The following FMNL3 variants were observed in gnomAD, a reference collection of about 807,000 sequenced individuals.
FMNL3 encodes the protein formin like 3, also known as formin-like protein 3.
In FMNL3, 57 loss-of-function variants were observed where a neutral mutation model predicts 119.6. That is an observed-to-expected ratio of 0.48 (90% CI 0.39 to 0.59). The LOEUF is 0.59. Ranked by LOEUF, FMNL3 falls within the 20% of genes least tolerant of loss-of-function variation. FMNL3 has a pLI of 0.00. For missense variants in FMNL3, 1,053 were observed against 1,323.5 expected (o/e 0.80, Z 3.17); for synonymous variants, 491 against 507.3 (o/e 0.97, Z 0.43).
At chr12:49,704,067 T>C (rs1329166276) in intron 1 of FMNL3, among the ~76,000 whole-genome samples, 2 of 152,200 alleles carry the variant, frequency 1.3e-5, no homozygotes, top group Non-Finnish European at 2.9e-5. Flanking sequence ...AAGCATATAG[T>C]AGATGCCAGA....
chr12:49,648,918 G>T, intron 21 of FMNL3, 111 bp downstream of exon 21: 1 of 1,466,242 alleles, frequency 6.8e-7, no homozygotes, highest in Non-Finnish European at 9.1e-7. Context: ...TCAGAAAGAA[G>T]ATAACAAAAG....
At chr12:49,677,887 G>A (rs1039830508) in intron 1 of FMNL3, among the ~76,000 whole-genome samples, 7 of 152,292 alleles carry the variant, frequency 4.6e-5, no homozygotes, top group Middle Eastern at 3.4e-3. Flanking sequence ...TTTTGAGATG[G>A]AGTCTCGCTC....
chr12:49,651,121 G>A (rs753506629), intron 16 of FMNL3, 47 bp downstream of exon 16: 2 of 1,595,774 alleles, frequency 1.3e-6, no homozygotes, highest in African/African-American at 1.3e-5. Context: ...AAGGCAACCA[G>A]GTCCCTAGCC....
At chr12:49,706,198 TAG>T (rs1357133362) in intron 1 of FMNL3, among the ~76,000 whole-genome samples, 1 of 152,210 alleles carries the variant, frequency 6.6e-6, no homozygotes, top group Non-Finnish European at 1.5e-5. Context: ...TCTCGCTTCA[TAG>T]AGCCACTGAC....
chr12:49,694,540 T>G (rs866194176), intron 1 of FMNL3, among the ~76,000 whole-genome samples: 22 of 152,332 alleles, frequency 1.4e-4, no homozygotes, highest in South Asian at 1.0e-3. Flanking sequence ...CCAAAATGTC[T>G]GTACCGAATT....
Position 49,638,895 on chromosome 12 carries a change from C to CAT in FMNL3, c.*6918_*6919dup, listed in dbSNP as rs987750754. 5 of 152,232 alleles carry CAT rather than the reference C, an allele frequency of 3.3e-5. No individual in the cohort carries two copies. Among genetic ancestry groups the CAT allele is most frequent in the Admixed American group, 3.3e-4 (5 of 15,292 alleles). 9.4% of individuals were successfully genotyped at this position (152,232 alleles called of 1,614,324 possible). A position where few individuals can be genotyped will look rare whatever the true frequency, so the allele number is the denominator to read the frequency against. ...AAATAAAGCTAGAAATGTCTCACTGCATATACATTTCTTTGAAGTACTGTT... is the reference window on the plus strand; with the variant it reads ...AAATAAAGCTAGAAATGTCTCACTGCATATATACATTTCTTTGAAGTACTGTT... On this transcript the variant is annotated 3_prime_UTR_variant, in exon 26 of 26. Coordinates refer to ENST00000335154, the MANE Select transcript of FMNL3 (RefSeq NM_175736.5).
chr12:49,652,272 A>G (rs2138745871), intron 13 of FMNL3, 60 bp from the exon 14 acceptor site: 1 of 1,550,074 alleles, frequency 6.5e-7, no homozygotes, highest in African/African-American at 1.3e-5. Flanking sequence ...CATTGCCCCA[A>G]GAGTGAGAAT....
chr12:49,691,877 A>T (rs1198156358), intron 1 of FMNL3, among the ~76,000 whole-genome samples: 1 of 151,928 alleles, frequency 6.6e-6, no homozygotes, highest in Admixed American at 6.6e-5. Context: ...TCTACTAAAA[A>T]TACAAAAATT....
chr12:49,704,224 T>A (rs952751957), intron 1 of FMNL3, among the ~76,000 whole-genome samples: 3 of 152,130 alleles, frequency 2.0e-5, no homozygotes, highest in African/African-American at 7.2e-5. Context: ...AACCAAAGAC[T>A]ATGGATGAAA....
Position 49,643,922 on chromosome 12 carries a change from A to G in FMNL3, c.*1893T>C, listed in dbSNP as rs1297213885. On this transcript the variant is annotated 3_prime_UTR_variant, in exon 26 of 26. Transcript: ENST00000335154. ...GCTGGCAAGGAGAGCGATGAGAAAGAACAAGAACAGGACAAGGACAGGGAG... is the reference window on the plus strand; with the variant it reads ...GCTGGCAAGGAGAGCGATGAGAAAGGACAAGAACAGGACAAGGACAGGGAG... 1.2e-6 allele frequency: 2 copies of G among 1,614,122 alleles called. No individual in the cohort carries two copies. Among genetic ancestry groups the G allele is most frequent in the African/African-American group, 2.7e-5 (2 of 74,944 alleles).
chr12:49,650,526 G>A, intron 17 of FMNL3, 150 bp downstream of exon 17: 1 of 844,114 alleles, frequency 1.2e-6, no homozygotes, highest in South Asian at 1.7e-5. Context: ...CAGCACAGAT[G>A]CAGTAAATTC....
intron 9 of FMNL3, 141 bp downstream of exon 9, chr12:49,656,263 G>A (rs139489754): frequency 4.5e-5 from 27 of 601,356 alleles, no homozygotes; most frequent in Middle Eastern, 4.7e-4. Flanking sequence ...AAAATACTGG[G>A]AGTTCAGGAG....
At chr12:49,686,712 T>G (rs1944473320) in intron 1 of FMNL3, among the ~76,000 whole-genome samples, 1 of 152,090 alleles carries the variant, frequency 6.6e-6, no homozygotes, top group African/African-American at 2.4e-5. Context: ...ACTTCATATT[T>G]CTCTTCAAGA....
At chr12:49,651,546 A>C in intron 14 of FMNL3, 96 bp from the exon 15 acceptor site, 1 of 1,006,924 alleles carries the variant, frequency 9.9e-7, no homozygotes, top group Non-Finnish European at 1.3e-6. Context: ...TGAGAGTTAA[A>C]AAAAAAAAAA....
intron 6 of FMNL3, among the ~76,000 whole-genome samples, 167 bp downstream of exon 6, chr12:49,658,275 C>G (rs1441170433): frequency 6.6e-6 from 1 of 152,030 alleles, no homozygotes; most frequent in African/African-American, 2.4e-5. Context: ...TGGGCAGAGT[C>G]AAGGAGACAG....
chr12:49,650,976 T>A (rs1592642761), intron 16 of FMNL3, 98 bp from the exon 17 acceptor site: 1 of 1,492,960 alleles, frequency 6.7e-7, no homozygotes, highest in Non-Finnish European at 9.3e-7. Context: ...TCTGTCACTC[T>A]GGAATATTTC....
At chr12:49,650,900 G>C in intron 16 of FMNL3, 22 bp from the exon 17 acceptor site, 1 of 1,613,596 alleles carries the variant, frequency 6.2e-7, no homozygotes, top group Non-Finnish European at 8.5e-7. Context: ...AGGTGAGCAA[G>C]GAAAACGCTG....
intron 1 of FMNL3, among the ~76,000 whole-genome samples, chr12:49,693,541 C>A (rs1944664494): frequency 6.7e-6 from 1 of 149,298 alleles, no homozygotes; most frequent in Non-Finnish European, 1.5e-5. Context: ...CTACACCCAG[C>A]TAATTTTTTA....
Position 49,642,960 on chromosome 12 carries a change from C to T in FMNL3, c.*2855G>A. 1.9e-6 allele frequency: 3 copies of T among 1,613,744 alleles called. No individual in the cohort carries two copies. The highest frequency in any genetic ancestry group is 1.1e-5 in the South Asian group (1 of 90,986). ...ATGCCAGCACCTCCACACCAAAGGCCGAAAGCATGGCAGGAAAGGCAAGAA... is the reference window on the plus strand; with the variant it reads ...ATGCCAGCACCTCCACACCAAAGGCTGAAAGCATGGCAGGAAAGGCAAGAA... On this transcript the variant is annotated 3_prime_UTR_variant, in exon 26 of 26. Coordinates refer to ENST00000335154, the MANE Select transcript of FMNL3 (RefSeq NM_175736.5). The surrounding 1 kb of genome is among the most constrained non-coding windows in gnomAD (Gnocchi z 5.8).
Sources: allele counts gnomAD v4.1 joint callset (sites outside exome capture counted in the v4.1 genomes callset), GRCh38; gene constraint gnomAD v4.1.1; non-coding constraint Gnocchi (gnomAD v3.1); transcripts MANE v1.5; gene names NCBI Gene and HGNC (gene_info 2026-07-23, HGNC 2026-07-21).